ADO: variants seen among roughly 807,000 people sequenced by gnomAD.
The protein encoded by ADO is 2-aminoethanethiol (cysteamine) dioxygenase.
ADO carries 9 observed loss-of-function variants against 16.6 expected under a neutral mutation model. That is an observed-to-expected ratio of 0.54 (90% confidence interval 0.33 to 0.95). ADO has a LOEUF of 0.95. Ranked by LOEUF, ADO falls within the 40% of genes least tolerant of loss-of-function variation. ADO has a pLI of 0.03. For missense variants in ADO, 356 were observed against 386.4 expected (o/e 0.92, Z 0.66); for synonymous variants, 189 against 179.6 (o/e 1.05, Z -0.42).
chr10:62,804,959 C>G lies in ADO; in HGVS notation c.-101C>G. 1 of 1,157,330 alleles carries G rather than the reference C, an allele frequency of 8.6e-7. No individual in the cohort carries two copies. The highest frequency in any genetic ancestry group is 3.3e-5 in the South Asian group (1 of 30,670). The allele number at this position is 1,157,330 out of a possible 1,614,324, so 71.7% of individuals were successfully genotyped here. A position where few individuals can be genotyped will look rare whatever the true frequency, so the allele number is the denominator to read the frequency against. Reference sequence around the variant, plus strand: ...ACGGGCCGGTGGTTGCGGGGCCTCCCGCCTCGACCCGGGCTGGGGGCAGCC... The same window carrying G: ...ACGGGCCGGTGGTTGCGGGGCCTCCGGCCTCGACCCGGGCTGGGGGCAGCC... On this transcript the variant is annotated 5_prime_UTR_variant, in exon 1 of 1. Transcript: ENST00000373783.
Position 62,807,328 on chromosome 10 carries a change from T to C in ADO, c.*1456T>C, listed in dbSNP as rs577042359. ...AAAGAAATTGTAGAAATAAACACAT[T>C]AAAATTTGCCCAGCTGTCGTCTAAG... On this transcript the variant is annotated 3_prime_UTR_variant, in exon 1 of 1. Transcript: ENST00000373783. The C allele has an allele frequency of 6.0e-6, 1 of 167,318 alleles. No homozygotes were observed. Among genetic ancestry groups the C allele is most frequent in the South Asian group, 2.1e-4 (1 of 4,834 alleles). The allele number at this position is 167,318 out of a possible 1,614,324, so 10.4% of individuals were successfully genotyped here. A position where few individuals can be genotyped will look rare whatever the true frequency, so the allele number is the denominator to read the frequency against.
rs1248316849 is a variant in ADO at position 62,804,805 on chromosome 10, T to A, written c.-255T>A. 3.8e-6 allele frequency: 1 copy of A among 261,060 alleles called. No homozygotes were observed. The highest frequency in any genetic ancestry group is 2.3e-5 in the African/African-American group (1 of 44,392). The allele number at this position is 261,060 out of a possible 1,614,324, so 16.2% of individuals were successfully genotyped here. On this transcript the variant is annotated 5_prime_UTR_variant, in exon 1 of 1. Coordinates refer to ENST00000373783, the MANE Select transcript of ADO (RefSeq NM_032804.6). ...AGCCTGGCACCGTCTGCGCGGCCGCTATCTGCTCCCGGAGCGTGAGTGCGG... is the reference window on the plus strand; with the variant it reads ...AGCCTGGCACCGTCTGCGCGGCCGCAATCTGCTCCCGGAGCGTGAGTGCGG...
chr10:62,806,920 A>T lies in ADO; in HGVS notation c.*1048A>T, dbSNP rs1247714379. 1 of 167,154 alleles carries T rather than the reference A, an allele frequency of 6.0e-6. No homozygotes were observed. Among genetic ancestry groups the T allele is most frequent in the Non-Finnish European group, 1.5e-5 (1 of 68,116 alleles). 10.4% of individuals were successfully genotyped at this position (167,154 alleles called of 1,614,324 possible). Reference sequence around the variant, plus strand: ...TCTCTCAGGAACTTTAATGTTCCCGACTCGGGTGATTCCAGCTGTGTTGCT... The same window carrying T: ...TCTCTCAGGAACTTTAATGTTCCCGTCTCGGGTGATTCCAGCTGTGTTGCT... On this transcript the variant is annotated 3_prime_UTR_variant, in exon 1 of 1. Transcript: ENST00000373783.
chr10:62,804,904 G>A lies in ADO; in HGVS notation c.-156G>A, dbSNP rs943208341. The A allele has an allele frequency of 3.3e-6, 2 of 609,824 alleles. No individual in the cohort carries two copies. The highest frequency in any genetic ancestry group is 8.2e-5 in the South Asian group (1 of 12,126). 37.8% of individuals were successfully genotyped at this position (609,824 alleles called of 1,614,324 possible). On this transcript the variant is annotated 5_prime_UTR_variant, in exon 1 of 1. Transcript: ENST00000373783. ...GCCGGGCAGTTGCGGGCGCGTGGCT[G>A]CTGAGGTTGGCGGCGGTGCCGCGCG...
rs904506813 is a variant in ADO, at chr10:62,804,799, G to T, written c.-261G>T. The T allele has an allele frequency of 7.8e-6, 2 of 254,884 alleles. No individual in the cohort carries two copies. The highest frequency in any genetic ancestry group is 8.0e-5 in the East Asian group (1 of 12,562). The allele number at this position is 254,884 out of a possible 1,614,324, so 15.8% of individuals were successfully genotyped here. A position where few individuals can be genotyped will look rare whatever the true frequency, so the allele number is the denominator to read the frequency against. ...AGGCAAAGCCTGGCACCGTCTGCGC[G>T]GCCGCTATCTGCTCCCGGAGCGTGA... On this transcript the variant is annotated 5_prime_UTR_variant, in exon 1 of 1. Coordinates refer to ENST00000373783, the MANE Select transcript of ADO (RefSeq NM_032804.6).
At position 62,805,023 on chromosome 10, in the gene ADO, AG is replaced by A. The variant is rs1447369297; in HGVS notation, c.-32del. Reference sequence around the variant, plus strand: ...GGGACCGCAAGGGGCGGAGGAAAGGAGGGGGCCGGTCCCGGCACGCAGAGGA... The same window carrying A: ...GGGACCGCAAGGGGCGGAGGAAAGGAGGGGCCGGTCCCGGCACGCAGAGGA... On this transcript the variant is annotated 5_prime_UTR_variant, in exon 1 of 1. Coordinates refer to ENST00000373783, the MANE Select transcript of ADO (RefSeq NM_032804.6). This position sits in a 1 kb window ranked among gnomAD's most constrained non-coding sequence, Gnocchi z 6.4. The A allele has an allele frequency of 2.1e-6, 3 of 1,408,988 alleles. No individual in the cohort carries two copies. The East Asian group carries it at 8.6e-5, about 40-fold the overall frequency. 87.3% of individuals were successfully genotyped at this position (1,408,988 alleles called of 1,614,324 possible). A position where few individuals can be genotyped will look rare whatever the true frequency, so the allele number is the denominator to read the frequency against.
In ADO at chr10:62,807,707, A is replaced by C. The variant is rs1373660603; in HGVS notation, c.*1835A>C. 6.0e-6 allele frequency: 1 copy of C among 167,254 alleles called. No individual in the cohort carries two copies. Among genetic ancestry groups the C allele is most frequent in the African/African-American group, 2.4e-5 (1 of 41,470 alleles). 10.4% of individuals were successfully genotyped at this position (167,254 alleles called of 1,614,324 possible). A position where few individuals can be genotyped will look rare whatever the true frequency, so the allele number is the denominator to read the frequency against. ...AGCTCCACATTCTGGTGTAGTTTAA[A>C]ATGCCTTTGGGGGCAGTTTGAAGCA... is the stretch of plus-strand genomic sequence containing the variant. On this transcript the variant is annotated 3_prime_UTR_variant, in exon 1 of 1. Coordinates refer to ENST00000373783, the MANE Select transcript of ADO (RefSeq NM_032804.6).
rs1002743537 is a variant in ADO, at chr10:62,806,190, A to G, written c.*318A>G. 1 of 283,238 alleles carries G rather than the reference A, an allele frequency of 3.5e-6. No individual in the cohort carries two copies. Among genetic ancestry groups the G allele is most frequent in the Non-Finnish European group, 6.9e-6 (1 of 144,036 alleles). The allele number at this position is 283,238 out of a possible 1,614,324, so 17.5% of individuals were successfully genotyped here. A position where few individuals can be genotyped will look rare whatever the true frequency, so the allele number is the denominator to read the frequency against. ...AATATCTTCCTCTCTTCCCCATTCT[A>G]TACAAAATACTAAGTGGTTTTCTTG... On this transcript the variant is annotated 3_prime_UTR_variant, in exon 1 of 1. Transcript: ENST00000373783.
In ADO at chr10:62,805,338, G is replaced by A; in HGVS notation, c.279G>A (p.Thr93=). ...PPVTYMHIYE[T]DGFSLGVFLL... ...TCACCTACATGCACATCTACGAGAC[G>A]GACGGCTTCAGCCTGGGCGTGTTCC... Residue 93 remains threonine (T), a synonymous_variant, in exon 1 of 1, where the codon ACG becomes ACA. Transcript: ENST00000373783. This position sits in a 1 kb window ranked among gnomAD's most constrained non-coding sequence, Gnocchi z 6.4. The A allele has an allele frequency of 2.5e-6, 4 of 1,603,388 alleles. No homozygotes were observed. The highest frequency in any genetic ancestry group is 3.4e-6 in the Non-Finnish European group (4 of 1,178,738).
At position 62,805,132 on chromosome 10, in the gene ADO, G is replaced by T. The variant is rs2236295; in HGVS notation, c.73G>T (p.Gly25Trp). 0.36 allele frequency: 569,796 copies of T among 1,562,702 alleles called. 109,623 individuals carry two copies. The highest frequency in any genetic ancestry group is 0.4 in the Non-Finnish European group (462,616 of 1,160,304). ...RQACLTFRGS[G>W]GGRGASDRDA... ...GGCTTGCCTCACCTTCCGGGGCAGC[G>T]GGGGCGGCCGCGGCGCTTCCGATCG... is the stretch of plus-strand genomic sequence containing the variant. The change falls in exon 1 of 1, where the codon GGG (glycine) becomes TGG (tryptophan). Residue 25 changes from glycine to tryptophan, a missense_variant. Coordinates refer to ENST00000373783, the MANE Select transcript of ADO (RefSeq NM_032804.6). This position sits in a 1 kb window ranked among gnomAD's most constrained non-coding sequence, Gnocchi z 6.4.
Position 62,805,668 on chromosome 10 carries a change from C to T in ADO, c.609C>T (p.Ala203=), listed in dbSNP as rs762615190. 2 of 1,610,770 alleles carry T rather than the reference C, an allele frequency of 1.2e-6. No individual in the cohort carries two copies. Among genetic ancestry groups the T allele is most frequent in the Non-Finnish European group, 1.7e-6 (2 of 1,179,110 alleles). ...TCGACGCCGTGGAAGGGCCTGCCGC[C>T]TTCCTGGACATCCTGGCCCCGCCCT... ...HQIDAVEGPA[A]FLDILAPPYD... The change falls in exon 1 of 1, where the codon GCC becomes GCT. Residue 203 remains alanine, a synonymous_variant. Coordinates refer to ENST00000373783, the MANE Select transcript of ADO (RefSeq NM_032804.6). The surrounding 1 kb of genome is among the most constrained non-coding windows in gnomAD (Gnocchi z 6.4).
Position 62,804,858 on chromosome 10 carries a change from G to A in ADO, c.-202G>A. The A allele has an allele frequency of 2.9e-6, 1 of 344,928 alleles. No homozygotes were observed. 21.4% of individuals were successfully genotyped at this position (344,928 alleles called of 1,614,324 possible). A position where few individuals can be genotyped will look rare whatever the true frequency, so the allele number is the denominator to read the frequency against. On this transcript the variant is annotated 5_prime_UTR_variant, in exon 1 of 1. Coordinates refer to ENST00000373783, the MANE Select transcript of ADO (RefSeq NM_032804.6). Reference sequence around the variant, plus strand: ...TGTGGGGCGTGCGCGTGCGCGCTCAGAGGGGGCTCAAGGCGAGCGCGCCGG... The same window carrying A: ...TGTGGGGCGTGCGCGTGCGCGCTCAAAGGGGGCTCAAGGCGAGCGCGCCGG...
Position 62,805,124 on chromosome 10 carries a change from G to A in ADO, c.65G>A (p.Arg22Gln). 2 of 1,553,462 alleles carry A rather than the reference G, an allele frequency of 1.3e-6. No homozygotes were observed. The highest frequency in any genetic ancestry group is 1.2e-5 in the South Asian group (1 of 82,656). Residue 22 changes from arginine to glutamine, a missense_variant, in exon 1 of 1, where the codon CGG (arginine) becomes CAG (glutamine). Arg to Gln is a conservative substitution (Grantham distance 43). Transcript: ENST00000373783. The surrounding 1 kb of genome is among the most constrained non-coding windows in gnomAD (Gnocchi z 6.4). Reference sequence around the variant, plus strand: ...GCCCGCCAGGCTTGCCTCACCTTCCGGGGCAGCGGGGGCGGCCGCGGCGCT... The same window carrying A: ...GCCCGCCAGGCTTGCCTCACCTTCCAGGGCAGCGGGGGCGGCCGCGGCGCT... ...RIARQACLTF[R>Q]GSGGGRGASD...
In ADO at chr10:62,805,425, G is replaced by A. The variant is rs1256120227; in HGVS notation, c.366G>A (p.Lys122=). Residue 122 remains lysine (K), a synonymous_variant, in exon 1 of 1, where the codon AAG becomes AAA. Transcript: ENST00000373783. The surrounding 1 kb of genome is among the most constrained non-coding windows in gnomAD (Gnocchi z 6.4). The stretch of plus-strand genomic sequence containing the variant: ...ACCCGGGCATGCACGGCATGCTCAA[G>A]GTGCTGTACGGCACCGTGCGCATCA... The part of the protein sequence containing the change: ...HDHPGMHGML[K]VLYGTVRISC... The A allele has an allele frequency of 1.3e-5, 21 of 1,570,552 alleles. No homozygotes were observed. Among genetic ancestry groups the A allele is most frequent in the African/African-American group, 2.7e-5 (2 of 74,034 alleles).
At position 62,805,203 on chromosome 10, in the gene ADO, C is replaced by G. The variant is rs751527435; in HGVS notation, c.144C>G (p.Pro48=). The G allele has an allele frequency of 5.6e-5, 90 of 1,602,676 alleles. No individual in the cohort carries two copies. Among genetic ancestry groups the G allele is most frequent in the Admixed American group, 1.3e-4 (8 of 59,416 alleles). The change falls in exon 1 of 1, where the codon CCC becomes CCG. Residue 48 remains proline (P), a synonymous_variant. Transcript: ENST00000373783. The surrounding 1 kb of genome is among the most constrained non-coding windows in gnomAD (Gnocchi z 6.4). ...AGGCGCCGATGCAGCCGGGCTTCCCCGAGAACCTGAGCAAGCTGAAGAGCC... is the reference window on the plus strand; with the variant it reads ...AGGCGCCGATGCAGCCGGGCTTCCCGGAGAACCTGAGCAAGCTGAAGAGCC... ...GPEAPMQPGF[P]ENLSKLKSLL...
In ADO at chr10:62,805,616, C is replaced by T. The variant is rs1197076733; in HGVS notation, c.557C>T (p.Thr186Ile). 1.2e-6 allele frequency: 2 copies of T among 1,602,874 alleles called. No individual in the cohort carries two copies. Among genetic ancestry groups the T allele is most frequent in the African/African-American group, 2.7e-5 (2 of 74,816 alleles). ...YTEASGPCILTPHRDNLHQID... is the reference protein window; with the variant it reads ...YTEASGPCILIPHRDNLHQID... ...GAGGCCAGCGGCCCCTGCATCCTCA[C>T]ACCGCACCGGGACAACCTGCACCAG... is the stretch of plus-strand genomic sequence containing the variant. Residue 186 changes from threonine to isoleucine, a missense_variant, in exon 1 of 1, where the codon ACA becomes ATA. Coordinates refer to ENST00000373783, the MANE Select transcript of ADO (RefSeq NM_032804.6). The surrounding 1 kb of genome is among the most constrained non-coding windows in gnomAD (Gnocchi z 6.4).
Position 62,805,892 on chromosome 10 carries a change from C to A in ADO, c.*20C>A. 1 of 1,467,806 alleles carries A rather than the reference C, an allele frequency of 6.8e-7. No individual in the cohort carries two copies. The highest frequency in any genetic ancestry group is 1.4e-5 in the South Asian group (1 of 71,866). 90.9% of individuals were successfully genotyped at this position (1,467,806 alleles called of 1,614,324 possible). A position where few individuals can be genotyped will look rare whatever the true frequency, so the allele number is the denominator to read the frequency against. On this transcript the variant is annotated 3_prime_UTR_variant, in exon 1 of 1. Coordinates refer to ENST00000373783, the MANE Select transcript of ADO (RefSeq NM_032804.6). The surrounding 1 kb of genome is among the most constrained non-coding windows in gnomAD (Gnocchi z 6.4). ...CCTTGAAGCCACTGGCGCCCAGGAG[C>A]GGTGGGCCGAAGACGTGCCCTACCC... is the stretch of plus-strand genomic sequence containing the variant.
rs965072944 is a variant in ADO, at chr10:62,806,476, G to C, written c.*604G>C. The C allele has an allele frequency of 1.8e-5, 3 of 167,256 alleles. No individual in the cohort carries two copies. Among genetic ancestry groups the C allele is most frequent in the African/African-American group, 7.2e-5 (3 of 41,468 alleles). 10.4% of individuals were successfully genotyped at this position (167,256 alleles called of 1,614,324 possible). A position where few individuals can be genotyped will look rare whatever the true frequency, so the allele number is the denominator to read the frequency against. ...TTCTCACAACATAACTATGCATGTAGAGGACAAGATTTATTTTCTTTCCTC... is the reference window on the plus strand; with the variant it reads ...TTCTCACAACATAACTATGCATGTACAGGACAAGATTTATTTTCTTTCCTC... On this transcript the variant is annotated 3_prime_UTR_variant, in exon 1 of 1. Coordinates refer to ENST00000373783, the MANE Select transcript of ADO (RefSeq NM_032804.6).
At position 62,807,682 on chromosome 10, in the gene ADO, A is replaced by C. The variant is rs1394530928; in HGVS notation, c.*1810A>C. 1 of 167,254 alleles carries C rather than the reference A, an allele frequency of 6.0e-6. No homozygotes were observed. The highest frequency in any genetic ancestry group is 1.5e-5 in the Non-Finnish European group (1 of 68,128). 10.4% of individuals were successfully genotyped at this position (167,254 alleles called of 1,614,324 possible). ...ATTGTTGCTAAAATTGTTTTATTGT[A>C]GCTCCACATTCTGGTGTAGTTTAAA... On this transcript the variant is annotated 3_prime_UTR_variant, in exon 1 of 1. Transcript: ENST00000373783.
Sources: gnomAD v4.1 joint callset for allele counts on GRCh38, gnomAD v4.1.1 for gene constraint, Gnocchi (gnomAD v3.1) non-coding constraint, MANE v1.5 for transcripts, NCBI Gene and HGNC (gene_info 2026-07-23, HGNC 2026-07-21) for gene names.